ARMH1: variants seen among roughly 807,000 people sequenced by gnomAD.
The protein encoded by ARMH1 is armadillo-like helical domain containing protein 1.
A neutral mutation model predicts 50.2 loss-of-function variants in ARMH1; 34 were observed. The observed-to-expected ratio is 0.68, with a 90% confidence interval of 0.51 to 0.90. The LOEUF (loss-of-function observed/expected upper bound fraction) is 0.90, where lower values mean the gene tolerates loss of function less well. ARMH1 is among the 40% of genes least tolerant of loss of function. The pLI is 0.00. For synonymous variants in ARMH1, 221 were observed against 224.2 expected (o/e 0.99, Z 0.13); for missense variants, 538 against 553.9 (o/e 0.97, Z 0.29).
At chr1:44,721,758 C>T (rs549699161) in intron 6 of ARMH1, 2 of 152,298 alleles carry the variant, frequency 1.3e-5, no homozygotes, top group South Asian at 2.1e-4. Flanking sequence ...ACCCCACCCA[C>T]ACGTCTCTCT....
At chr1:44,676,849 G>A (rs759404545) in intron 1 of ARMH1, among the ~76,000 whole-genome samples, 23 of 152,100 alleles carry the variant, frequency 1.5e-4, no homozygotes, top group Non-Finnish European at 2.6e-4. Context: ...GTTTTTATTC[G>A]GATGGAAGAA....
chr1:44,725,243 G>T (rs1452611181), intron 11 of ARMH1, 26 bp downstream of exon 11: 16 of 1,551,688 alleles, frequency 1.0e-5, no homozygotes, highest in African/African-American at 1.4e-5. Flanking sequence ...GGGAAGCCGG[G>T]CGCAGGCGCC....
At position 44,725,551 on chromosome 1, in the gene ARMH1, C is replaced by T; in HGVS notation, c.*148C>T. On this transcript the variant is annotated 3_prime_UTR_variant, in exon 12 of 12. Coordinates refer to ENST00000535358, the MANE Select transcript of ARMH1 (RefSeq NM_001145636.2). ...CATCCCAGAGGGGCAGAGGAAGAGC[C>T]GCTGGCTGCGAAGAGTCAATAAACA... The T allele has an allele frequency of 1.3e-6, 1 of 741,828 alleles. No individual in the cohort carries two copies. The highest frequency in any genetic ancestry group is 2.3e-6 in the Non-Finnish European group (1 of 444,010). The allele number at this position is 741,828 out of a possible 1,614,324, so 46.0% of individuals were successfully genotyped here. A position where few individuals can be genotyped will look rare whatever the true frequency, so the allele number is the denominator to read the frequency against.
intron 6 of ARMH1, among the ~76,000 whole-genome samples, chr1:44,714,312 C>A (rs1646752791): frequency 6.6e-6 from 1 of 150,836 alleles, no homozygotes; most frequent in African/African-American, 2.4e-5. Flanking sequence ...GGGGCCAGGC[C>A]TGGTGGCTCA....
At chr1:44,697,800 T>A (rs183601207) in intron 3 of ARMH1, among the ~76,000 whole-genome samples, 224 of 152,078 alleles carry the variant, frequency 1.5e-3, no homozygotes, top group African/African-American at 5.0e-3. Flanking sequence ...GGCAGAGGGG[T>A]GATTCCCCAA....
intron 6 of ARMH1, among the ~76,000 whole-genome samples, chr1:44,714,736 C>T (rs997384386): frequency 7.9e-5 from 12 of 152,124 alleles, no homozygotes; most frequent in Admixed American, 2.6e-4. Flanking sequence ...GGCGCATGCA[C>T]GGCTCACTGC....
Position 44,681,391 on chromosome 1 carries a change from G to A in ARMH1, c.-23+6518G>A, listed in dbSNP as rs767957493. Among the ~76,000 whole-genome samples, 1 of 152,080 alleles carries A rather than the reference G, an allele frequency of 6.6e-6. No individual in the cohort carries two copies. The highest frequency in any genetic ancestry group is 2.4e-5 in the African/African-American group (1 of 41,414). Reference sequence around the variant, plus strand: ...CTCAGGAGGCTGAGGCAGGAGGATCGCTTGAGCCCGGGAGTTCAAGACTGC... The same window carrying A: ...CTCAGGAGGCTGAGGCAGGAGGATCACTTGAGCCCGGGAGTTCAAGACTGC... On this transcript the variant is annotated intron_variant, in intron 1 of 11. Coordinates refer to ENST00000535358, the MANE Select transcript of ARMH1 (RefSeq NM_001145636.2). This position sits in a 1 kb window ranked among gnomAD's most constrained non-coding sequence, Gnocchi z 4.3.
chr1:44,702,741 AAAAG>A (rs1017742597), intron 5 of ARMH1, among the ~76,000 whole-genome samples: 20 of 151,904 alleles, frequency 1.3e-4, no homozygotes, highest in South Asian at 2.1e-4. Flanking sequence ...AAAGAAAAGA[AAAAG>A]AAAGAGGGCA....
At chr1:44,707,807 T>C (rs1646410588) in intron 6 of ARMH1, among the ~76,000 whole-genome samples, 2 of 152,240 alleles carry the variant, frequency 1.3e-5, no homozygotes, top group Admixed American at 1.3e-4. Context: ...TTAGAGTCCT[T>C]CTGCATTTAT....
At position 44,712,820 on chromosome 1, in the gene ARMH1, C is replaced by G. The variant is rs185317167; in HGVS notation, c.724+8647C>G. 3.3e-5 allele frequency among the ~76,000 whole-genome samples: 5 copies of G among 151,774 alleles called. No homozygotes were observed. The East Asian group carries it at 9.8e-4, about 30-fold the overall frequency. On this transcript the variant is annotated intron_variant, in intron 6 of 11. Transcript: ENST00000535358. ...CTGGGATTACAGGCATGTGCCACCACGCCCAGCTAATTTTTATAACTTCAG... is the reference window on the plus strand; with the variant it reads ...CTGGGATTACAGGCATGTGCCACCAGGCCCAGCTAATTTTTATAACTTCAG...
intron 6 of ARMH1, among the ~76,000 whole-genome samples, chr1:44,719,976 C>T (rs967412267): frequency 1.3e-5 from 2 of 152,030 alleles, no homozygotes; most frequent in Non-Finnish European, 2.9e-5. Flanking sequence ...GGGTGGATCA[C>T]CTGAGGACAG....
intron 6 of ARMH1, among the ~76,000 whole-genome samples, chr1:44,710,858 C>T (rs1477816960): frequency 6.6e-6 from 1 of 152,224 alleles, no homozygotes. Context: ...TCCCCTTCCA[C>T]TCCCTCCAGT....
intron 6 of ARMH1, among the ~76,000 whole-genome samples, chr1:44,707,451 G>A (rs537202728): frequency 2.6e-5 from 4 of 152,070 alleles, no homozygotes; most frequent in Admixed American, 1.3e-4. Context: ...CTTTTTTGAG[G>A]CAGGGTTTCA....
intron 1 of ARMH1, chr1:44,684,573 A>G (rs1161788347): frequency 6.6e-6 from 1 of 152,224 alleles, no homozygotes; most frequent in Non-Finnish European, 1.5e-5. Context: ...GCTTACCAAC[A>G]AGAAACCAGT....
Position 44,691,593 on chromosome 1 carries a change from T to A in ARMH1, c.206+1690T>A, listed in dbSNP as rs1018337052. On this transcript the variant is annotated intron_variant, in intron 2 of 11. Coordinates refer to ENST00000535358, the MANE Select transcript of ARMH1 (RefSeq NM_001145636.2). ...GCTGTTCCTTGGGATTCCATCCTCG[T>A]CCCTCTTCTCTACTCACTCTCAGAT... Among the ~76,000 whole-genome samples the A allele has an allele frequency of 2.0e-5, 3 of 152,298 alleles. No homozygotes were observed. The East Asian group carries it at 5.8e-4, about 29-fold the overall frequency.
At position 44,723,975 on chromosome 1, in the gene ARMH1, G is replaced by A. The variant is rs1250930385; in HGVS notation, c.725-147G>A. 6.9e-6 allele frequency: 7 copies of A among 1,014,982 alleles called. No individual in the cohort carries two copies. The East Asian group carries it at 1.2e-4, about 17-fold the overall frequency. The allele number at this position is 1,014,982 out of a possible 1,614,324, so 62.9% of individuals were successfully genotyped here. ...TCCTCCTGCTCTTCAACTGAGGTTCGCCTTCCCAGCTCCCCCACGCCCTGC... is the reference window on the plus strand; with the variant it reads ...TCCTCCTGCTCTTCAACTGAGGTTCACCTTCCCAGCTCCCCCACGCCCTGC... On this transcript the variant is annotated intron_variant, in intron 6 of 11. Coordinates refer to ENST00000535358, the MANE Select transcript of ARMH1 (RefSeq NM_001145636.2).
At chr1:44,720,161 C>T (rs1038305798) in intron 6 of ARMH1, among the ~76,000 whole-genome samples, 4 of 144,924 alleles carry the variant, frequency 2.8e-5, no homozygotes, top group African/African-American at 1.0e-4. Flanking sequence ...CGTGCCATTG[C>T]ACTCCAGCCT....
At chr1:44,677,714 G>A (rs1203486792) in intron 1 of ARMH1, among the ~76,000 whole-genome samples, 1 of 152,158 alleles carries the variant, frequency 6.6e-6, no homozygotes, top group Non-Finnish European at 1.5e-5. Context: ...AAGACTTGAG[G>A]GGAGGGAAGG....
At chr1:44,699,690 G>A (rs1460711987) in intron 4 of ARMH1, among the ~76,000 whole-genome samples, 3 of 151,894 alleles carry the variant, frequency 2.0e-5, no homozygotes, top group Non-Finnish European at 4.4e-5. Flanking sequence ...GAGCTCAAGC[G>A]ATCCACCCAC....
Sources: allele counts gnomAD v4.1 joint callset (sites outside exome capture counted in the v4.1 genomes callset), GRCh38; gene constraint gnomAD v4.1.1; non-coding constraint Gnocchi (gnomAD v3.1); transcripts MANE v1.5; gene names NCBI Gene and HGNC (gene_info 2026-07-23, HGNC 2026-07-21).